NPSR1: variants seen among roughly 807,000 people sequenced by gnomAD.
The protein encoded by NPSR1 is neuropeptide S receptor.
A neutral mutation model predicts 46.9 loss-of-function variants in NPSR1; 48 were observed. The observed-to-expected ratio is 1.02, with a 90% confidence interval of 0.81 to 1.30. NPSR1 has a LOEUF of 1.30. NPSR1 is among the 50% of genes most tolerant of loss of function. The probability of loss-of-function intolerance (pLI) is 0.00; values close to 1 mark genes in which losing one functional copy is unlikely to be tolerated. For synonymous variants in NPSR1, 176 were observed against 168.1 expected (o/e 1.05, Z -0.36); for missense variants, 450 against 449.5 (o/e 1.00, Z -0.01).
chr7:34,839,195 A>G (rs1293114143), intron 6 of NPSR1, among the ~76,000 whole-genome samples: 2 of 152,238 alleles, frequency 1.3e-5, no homozygotes, highest in Non-Finnish European at 2.9e-5. Flanking sequence ...AAAGATACAA[A>G]TAAATGAAGA....
chr7:34,699,324 T>A (rs1583834202), intron 2 of NPSR1, among the ~76,000 whole-genome samples: 1 of 152,160 alleles, frequency 6.6e-6, no homozygotes, highest in African/African-American at 2.4e-5. Flanking sequence ...TACTAAAAAA[T>A]TTTTTAAATT....
intron 8 of NPSR1, among the ~76,000 whole-genome samples, chr7:34,872,697 G>C (rs542370276): frequency 1.3e-5 from 2 of 151,850 alleles, no homozygotes; most frequent in East Asian, 3.9e-4. Context: ...CAGGCAAAGA[G>C]AGAGAGAACT....
chr7:34,820,259 A>G (rs1179985522), intron 4 of NPSR1, among the ~76,000 whole-genome samples: 1 of 152,206 alleles, frequency 6.6e-6, no homozygotes, highest in East Asian at 1.9e-4. Context: ...TGCATTGGAT[A>G]TGTATAGCTT....
intron 2 of NPSR1, among the ~76,000 whole-genome samples, chr7:34,686,947 T>G (rs898371463): frequency 7.8e-6 from 1 of 127,678 alleles, no homozygotes; most frequent in African/African-American, 3.1e-5. Flanking sequence ...GGCGACAGAG[T>G]GAGACTCCGT....
At chr7:34,802,153 T>C (rs775513003) in intron 3 of NPSR1, among the ~76,000 whole-genome samples, 1 of 150,386 alleles carries the variant, frequency 6.6e-6, no homozygotes, top group Non-Finnish European at 1.5e-5. Flanking sequence ...AGGTATTTTA[T>C]AGATTCAATG....
chr7:34,783,787 A>G (rs2128739517), intron 3 of NPSR1, among the ~76,000 whole-genome samples: 1 of 152,268 alleles, frequency 6.6e-6, no homozygotes, highest in Non-Finnish European at 1.5e-5. Flanking sequence ...ATCACATATA[A>G]GAGAGTTATA....
chr7:34,669,093 G>A (rs1197853847), intron 1 of NPSR1, among the ~76,000 whole-genome samples: 3 of 152,152 alleles, frequency 2.0e-5, no homozygotes, highest in African/African-American at 4.8e-5. Context: ...CAGATAAGGC[G>A]CATGCTCTTT....
intron 2 of NPSR1, among the ~76,000 whole-genome samples, chr7:34,742,268 A>T (rs1352561781): frequency 1.1e-4 from 16 of 152,008 alleles, no homozygotes; most frequent in Non-Finnish European, 1.0e-4. Context: ...CATCACCCAG[A>T]TATTAAGCCC....
rs890544608 is a variant in NPSR1, at chr7:34,674,317, C to A, written c.148-10235C>A. Among the ~76,000 whole-genome samples the A allele has an allele frequency of 7.2e-5, 11 of 152,318 alleles. No individual in the cohort carries two copies. In the East Asian group the frequency reaches 1.5e-3, roughly 21 times the overall value. On this transcript the variant is annotated intron_variant, in intron 1 of 8. Transcript: ENST00000360581. ...ATTAAGCAGCTTCAGGAACACAGAA[C>A]TTTGCTATCTGCTCCTACCTGTTTC... is the stretch of plus-strand genomic sequence containing the variant.
chr7:34,701,156 C>A (rs1043294616), intron 2 of NPSR1, among the ~76,000 whole-genome samples: 1 of 152,164 alleles, frequency 6.6e-6, no homozygotes, highest in Admixed American at 6.5e-5. Flanking sequence ...CCAAAATATG[C>A]TGCTTTCATA....
intron 2 of NPSR1, among the ~76,000 whole-genome samples, chr7:34,772,071 T>C (rs1481356037): frequency 5.9e-5 from 9 of 152,210 alleles, no homozygotes; most frequent in Non-Finnish European, 2.9e-5. Flanking sequence ...TCTCTAATTA[T>C]TTCAAAATAA....
At chr7:34,719,981 A>C (rs1369382094) in intron 2 of NPSR1, among the ~76,000 whole-genome samples, 1 of 148,964 alleles carries the variant, frequency 6.7e-6, no homozygotes, top group African/African-American at 2.5e-5. Flanking sequence ...TTCAAAAAGA[A>C]AAAAAAAAAA....
intron 5 of NPSR1, among the ~76,000 whole-genome samples, chr7:34,831,330 CA>C: frequency 6.6e-6 from 1 of 152,026 alleles, no homozygotes; most frequent in East Asian, 1.9e-4. Flanking sequence ...CACACACACA[CA>C]CACACACACA....
chr7:34,864,904 C>A (rs1791274669), intron 8 of NPSR1, among the ~76,000 whole-genome samples: 1 of 151,882 alleles, frequency 6.6e-6, no homozygotes, highest in Admixed American at 6.5e-5. Flanking sequence ...CTCTTCCAGG[C>A]ACAACTACAC....
chr7:34,809,835 T>C (rs1016690466), intron 3 of NPSR1, among the ~76,000 whole-genome samples: 6 of 152,186 alleles, frequency 3.9e-5, no homozygotes, highest in African/African-American at 1.4e-4. Flanking sequence ...TCTATGTATC[T>C]GTGTGTTCTC....
At chr7:34,730,648 G>A (rs997041334) in intron 2 of NPSR1, among the ~76,000 whole-genome samples, 1 of 152,198 alleles carries the variant, frequency 6.6e-6, no homozygotes, top group Admixed American at 6.5e-5. Flanking sequence ...ATAAACCCAG[G>A]AGTAATATAC....
chr7:34,868,683 G>A (rs1486955344), intron 8 of NPSR1, among the ~76,000 whole-genome samples: 1 of 151,644 alleles, frequency 6.6e-6, no homozygotes, highest in Non-Finnish European at 1.5e-5. Flanking sequence ...CTCAAAATAA[G>A]AGGGGCAGCT....
intron 2 of NPSR1, chr7:34,751,961 GC>G: frequency 1.9e-6 from 2 of 1,059,654 alleles, no homozygotes; most frequent in African/African-American, 1.6e-5. Context: ...GGTGACGTTT[GC>G]CCAGAGAAGT....
At chr7:34,850,008 G>A (rs1363751661), downstream of NPSR1, 2 of 1,026,928 alleles carry the variant, frequency 1.9e-6, no homozygotes, top group African/African-American at 1.7e-5. Flanking sequence ...AGGTAGCTGG[G>A]TTATACATGA....
Sources: allele counts gnomAD v4.1 joint callset (sites outside exome capture counted in the v4.1 genomes callset), GRCh38; gene constraint gnomAD v4.1.1; transcripts MANE v1.5; gene names NCBI Gene and HGNC (gene_info 2026-07-23, HGNC 2026-07-21).